ENPP2: variants seen among roughly 807,000 people sequenced by gnomAD.
ENPP2 encodes ectonucleotide pyrophosphatase/phosphodiesterase 2.
In ENPP2, 51 loss-of-function variants were observed where a neutral mutation model predicts 120.2. The observed-to-expected ratio is 0.42, with a 90% CI of 0.34 to 0.54. ENPP2 has a LOEUF of 0.54. Ranked by LOEUF, ENPP2 falls within the 20% of genes least tolerant of loss-of-function variation. ENPP2 has a pLI of 0.04. For missense variants in ENPP2, 920 were observed against 1,066.5 expected (o/e 0.86, Z 1.91); for synonymous variants, 365 against 366.4 (o/e 1.00, Z 0.04).
intron 11 of ENPP2, among the ~76,000 whole-genome samples, chr8:119,595,316 A>G (rs1054898690): frequency 1.3e-5 from 2 of 152,232 alleles, no homozygotes; most frequent in Admixed American, 1.3e-4. Context: ...TACTGGGAAG[A>G]GTAGACATTA....
chr8:119,644,607 TATATATATATATATATATACAC>T (rs1399943384), intron 1 of ENPP2, among the ~76,000 whole-genome samples: 3 of 99,864 alleles, frequency 3.0e-5, no homozygotes, highest in African/African-American at 8.1e-5. Context: ...TATATATATA[TATATATATATATATATATACAC>T]ACACACACAC....
intron 10 of ENPP2, among the ~76,000 whole-genome samples, chr8:119,601,027 C>A (rs970954652): frequency 1.3e-5 from 2 of 152,088 alleles, no homozygotes; most frequent in Admixed American, 6.5e-5. Flanking sequence ...GATAACAGAG[C>A]CTGGCGGTAA....
chr8:119,603,207 C>T (rs1388887036), intron 9 of ENPP2, among the ~76,000 whole-genome samples: 2 of 137,598 alleles, frequency 1.5e-5, no homozygotes, highest in East Asian at 2.2e-4. Flanking sequence ...TAATTGCATA[C>T]TTTGAATTCT....
rs755439195 is a variant in ENPP2, at chr8:119,638,783, C to G, written c.-3G>C. The G allele has an allele frequency of 6.2e-6, 10 of 1,612,846 alleles. No homozygotes were observed. Among genetic ancestry groups the G allele is most frequent in the Non-Finnish European group, 8.5e-6 (10 of 1,178,910 alleles). Reference sequence around the variant, plus strand: ...TGGAACGAGCTCCTCCTTGCCATGTCGAGGATTCTTGGAAAGCCTTTTGCA... The same window carrying G: ...TGGAACGAGCTCCTCCTTGCCATGTGGAGGATTCTTGGAAAGCCTTTTGCA... On this transcript the variant is annotated 5_prime_UTR_variant, in exon 1 of 25. Transcript: ENST00000075322.
At chr8:119,603,546 T>G (rs1231745623) in intron 9 of ENPP2, among the ~76,000 whole-genome samples, 2 of 152,168 alleles carry the variant, frequency 1.3e-5, no homozygotes, top group Non-Finnish European at 2.9e-5. Flanking sequence ...TTATCTAAAC[T>G]TTTGATGCCT....
chr8:119,639,891 C>T (rs1306752356), upstream of ENPP2, among the ~76,000 whole-genome samples: 2 of 152,204 alleles, frequency 1.3e-5, no homozygotes, highest in Non-Finnish European at 2.9e-5. Context: ...TTAAATATTA[C>T]ATGCCTTCAG....
intron 15 of ENPP2, among the ~76,000 whole-genome samples, chr8:119,585,482 G>T (rs1189735969): frequency 1.3e-5 from 2 of 152,136 alleles, no homozygotes; most frequent in East Asian, 3.9e-4. Flanking sequence ...TGTGGCAGTT[G>T]TTCAATTATT....
intron 12 of ENPP2, among the ~76,000 whole-genome samples, chr8:119,592,247 C>A (rs1343358036): frequency 5.3e-5 from 8 of 152,032 alleles, no homozygotes; most frequent in Non-Finnish European, 5.9e-5. Flanking sequence ...CCAAGGCAGG[C>A]AGATCACCTG....
intron 11 of ENPP2, among the ~76,000 whole-genome samples, chr8:119,596,774 T>G (rs1486583025): frequency 5.3e-5 from 8 of 152,184 alleles, no homozygotes; most frequent in Admixed American, 3.9e-4. Context: ...AGAAAGAGTC[T>G]CCTTATGCTC....
intron 1 of ENPP2, among the ~76,000 whole-genome samples, chr8:119,670,588 C>T (rs530046692): frequency 6.6e-6 from 1 of 152,180 alleles, no homozygotes; most frequent in South Asian, 2.1e-4. Context: ...CTCTGACCCA[C>T]AGAAATAAAG....
Position 119,562,884 on chromosome 8 carries a change from G to T in ENPP2, c.2394C>A (p.His798Gln). ...TGCAGCTCTCCTCGTTGTCAGGCCG[G>T]TGAGGCAGGATGAAGGAGGACACAG... ...PLSVSSFILP[H>Q]RPDNEESCNS... is the part of the protein sequence containing the mutation. The change falls in exon 24 of 25, where the codon CAC (histidine) becomes CAA (glutamine). Residue 798 changes from histidine to glutamine, a missense_variant. Transcript: ENST00000075322. The T allele has an allele frequency of 6.2e-7, 1 of 1,614,172 alleles. No homozygotes were observed. Among genetic ancestry groups the T allele is most frequent in the Non-Finnish European group, 8.5e-7 (1 of 1,180,004 alleles).
Position 119,560,582 on chromosome 8 carries a change from C to T in ENPP2, c.2421+2275G>A, listed in dbSNP as rs772514102. On this transcript the variant is annotated intron_variant, in intron 24 of 24. Coordinates refer to ENST00000075322, the MANE Select transcript of ENPP2 (RefSeq NM_001040092.3). ...TCACTCCTGTGAATCTTGCCTAAGC[C>T]CTTTGAGCACAATGTTCAGTCTCCT... Among the ~76,000 whole-genome samples the T allele has an allele frequency of 2.6e-5, 4 of 152,158 alleles. No homozygotes were observed. In the South Asian group the frequency reaches 6.2e-4, roughly 24 times the overall value.
chr8:119,597,775 G>A (rs1453543341), intron 11 of ENPP2, among the ~76,000 whole-genome samples: 10 of 152,120 alleles, frequency 6.6e-5, no homozygotes, highest in Admixed American at 6.5e-4. Flanking sequence ...CTGAAACCAG[G>A]AGCAATACAC....
At chr8:119,589,154 A>G (rs1284092064) in intron 13 of ENPP2, among the ~76,000 whole-genome samples, 1 of 152,226 alleles carries the variant, frequency 6.6e-6, no homozygotes, top group African/African-American at 2.4e-5. Context: ...AGCTTTGACT[A>G]TGTGCTAAGC....
At chr8:119,572,093 C>A (rs1815045285) in intron 19 of ENPP2, 2 of 837,100 alleles carry the variant, frequency 2.4e-6, no homozygotes, top group African/African-American at 3.5e-5. Flanking sequence ...ATATAATAAA[C>A]AAATAAAACA....
At chr8:119,623,319 G>C (rs1816039845) in intron 3 of ENPP2, among the ~76,000 whole-genome samples, 1 of 151,944 alleles carries the variant, frequency 6.6e-6, no homozygotes, top group Non-Finnish European at 1.5e-5. Context: ...CAAAAAATTA[G>C]CCGGGCATGG....
At chr8:119,658,636 C>T (rs1817833266) in intron 1 of ENPP2, among the ~76,000 whole-genome samples, 2 of 152,124 alleles carry the variant, frequency 1.3e-5, no homozygotes, top group Admixed American at 6.5e-5. Flanking sequence ...CAGAGACCTT[C>T]CCTGACCACC....
chr8:119,570,292 A>AAAAAAAAAAG (rs1814853882), intron 20 of ENPP2, among the ~76,000 whole-genome samples: 1 of 134,722 alleles, frequency 7.4e-6, no homozygotes, highest in African/African-American at 2.8e-5. Flanking sequence ...AAAAAAAAAA[A>AAAAAAAAAAG]CAGATGCTGA....
chr8:119,572,299 C>T (rs1426207417), intron 19 of ENPP2: 5 of 1,392,838 alleles, frequency 3.6e-6, no homozygotes, highest in Non-Finnish European at 5.0e-6. Flanking sequence ...CTCTTTTCAT[C>T]ATTTAAGTTT....
Sources: allele counts gnomAD v4.1 joint callset (sites outside exome capture counted in the v4.1 genomes callset), GRCh38; gene constraint gnomAD v4.1.1; transcripts MANE v1.5; gene names NCBI Gene and HGNC (gene_info 2026-07-23, HGNC 2026-07-21).